ELAPOR1: variants seen among roughly 807,000 people sequenced by gnomAD.
ELAPOR1 encodes the protein endosome-lysosome associated apoptosis and autophagy regulator 1.
In ELAPOR1, 77 loss-of-function variants were observed where a neutral mutation model predicts 119.7. The ratio of observed to expected loss-of-function variants is 0.64; its 90% CI spans 0.54 to 0.78. The LOEUF (loss-of-function observed/expected upper bound fraction) is 0.78. Among genes scored for constraint, ELAPOR1 ranks in the 30% least tolerant of loss-of-function variants. The pLI is 0.00. For synonymous variants in ELAPOR1, 481 were observed against 487.2 expected (o/e 0.99, Z 0.17); for missense variants, 1,115 against 1,270.4 (o/e 0.88, Z 1.86).
chr1:109,153,010 T>C (rs1290894602), intron 1 of ELAPOR1, among the ~76,000 whole-genome samples: 6 of 148,758 alleles, frequency 4.0e-5, no homozygotes, highest in African/African-American at 1.5e-4. Flanking sequence ...AATGACAGTC[T>C]CATGTGGGGA....
At chr1:109,178,962 C>CCA (rs1652524101) in intron 7 of ELAPOR1, among the ~76,000 whole-genome samples, 3 of 134,218 alleles carry the variant, frequency 2.2e-5, no homozygotes, top group Non-Finnish European at 4.9e-5. Flanking sequence ...AATACTGTCT[C>CCA]AAAAAAAAAA....
At chr1:109,133,194 C>CT (rs1330098469) in intron 1 of ELAPOR1, among the ~76,000 whole-genome samples, 6 of 152,216 alleles carry the variant, frequency 3.9e-5, no homozygotes, top group African/African-American at 1.4e-4. Context: ...TGCACCACTG[C>CT]ACTCCAGCCT....
Position 109,204,312 on chromosome 1 carries a change from A to G in ELAPOR1, c.*1300A>G, listed in dbSNP as rs1469600278. 1 of 152,246 alleles carries G rather than the reference A, an allele frequency of 6.6e-6. No homozygotes were observed. Among genetic ancestry groups the G allele is most frequent in the Admixed American group, 6.5e-5 (1 of 15,290 alleles). The allele number at this position is 152,246 out of a possible 1,614,324, so 9.4% of individuals were successfully genotyped here. On this transcript the variant is annotated 3_prime_UTR_variant, in exon 22 of 22. Transcript: ENST00000369939. ...CTGAAGCCAAAGGAATAAGTTCATCAAGAAAATGCCCAAAGCCCTGGTGGA... is the reference window on the plus strand; with the variant it reads ...CTGAAGCCAAAGGAATAAGTTCATCGAGAAAATGCCCAAAGCCCTGGTGGA...
At chr1:109,174,310 G>A (rs542868178) in intron 7 of ELAPOR1, among the ~76,000 whole-genome samples, 1 of 145,096 alleles carries the variant, frequency 6.9e-6, no homozygotes, top group Non-Finnish European at 1.5e-5. Flanking sequence ...CACTTTGGGA[G>A]GTCAAACCGG....
chr1:109,172,707 A>G lies in ELAPOR1; in HGVS notation c.696+139A>G. On this transcript the variant is annotated intron_variant, in intron 5 of 21. Transcript: ENST00000369939. Reference sequence around the variant, plus strand: ...GAATGTGATATGATGAAGATGCTGTAGTTACTGTCCTCTAGCATTGACAGA... The same window carrying G: ...GAATGTGATATGATGAAGATGCTGTGGTTACTGTCCTCTAGCATTGACAGA... 6.1e-6 allele frequency: 4 copies of G among 660,054 alleles called. No individual in the cohort carries two copies. The Admixed American group carries it at 1.0e-4, about 17-fold the overall frequency. 40.9% of individuals were successfully genotyped at this position (660,054 alleles called of 1,614,324 possible).
intron 3 of ELAPOR1, among the ~76,000 whole-genome samples, chr1:109,165,077 G>A (rs887271581): frequency 6.6e-6 from 1 of 152,148 alleles, no homozygotes; most frequent in Non-Finnish European, 1.5e-5. Context: ...GATTGCCTGA[G>A]GCCAAGAGTT....
chr1:109,117,722 G>A (rs1648107169), intron 1 of ELAPOR1, among the ~76,000 whole-genome samples: 2 of 152,180 alleles, frequency 1.3e-5, no homozygotes, highest in South Asian at 4.1e-4. Flanking sequence ...ATAAACGTTG[G>A]TAGGAAGAAC....
Position 109,175,216 on chromosome 1 carries a change from C to T in ELAPOR1, c.952+1379C>T, listed in dbSNP as rs192339871. On this transcript the variant is annotated intron_variant, in intron 7 of 21. Transcript: ENST00000369939. ...TTTTTATTTTTATTTTTTTTTGAGA[C>T]GGAGTTTCACTCTTGTTGCCCAAGC... is the stretch of plus-strand genomic sequence containing the variant. Among the ~76,000 whole-genome samples, 15 of 150,836 alleles carry T rather than the reference C, an allele frequency of 9.9e-5. No individual in the cohort carries two copies. The East Asian group carries it at 1.0e-3, about 10-fold the overall frequency.
At chr1:109,192,912 C>A in intron 14 of ELAPOR1, 38 bp downstream of exon 14, 1 of 1,599,430 alleles carries the variant, frequency 6.3e-7, no homozygotes, top group Non-Finnish European at 8.5e-7. Context: ...ACCTGACCCT[C>A]TGCTTGGATG....
intron 1 of ELAPOR1, among the ~76,000 whole-genome samples, chr1:109,141,187 G>C (rs1163200325): frequency 1.3e-5 from 2 of 152,030 alleles, no homozygotes; most frequent in Non-Finnish European, 2.9e-5. Context: ...ATCAAGTAAA[G>C]TATACAATAA....
At chr1:109,151,238 G>A (rs576465681) in intron 1 of ELAPOR1, among the ~76,000 whole-genome samples, 1 of 152,140 alleles carries the variant, frequency 6.6e-6, no homozygotes, top group Non-Finnish European at 1.5e-5. Flanking sequence ...TGATCTCCAG[G>A]CAGTTTTGAT....
chr1:109,200,354 A>C, intron 20 of ELAPOR1, 117 bp downstream of exon 20: 1 of 1,223,312 alleles, frequency 8.2e-7, no homozygotes, highest in Non-Finnish European at 1.2e-6. Flanking sequence ...AGACTCTGTG[A>C]CTTATCCAGT....
intron 1 of ELAPOR1, among the ~76,000 whole-genome samples, chr1:109,139,126 G>A (rs1323556328): frequency 6.6e-6 from 1 of 151,950 alleles, no homozygotes; most frequent in Admixed American, 6.6e-5. Context: ...TGAGACAGGT[G>A]GATCACTTGA....
rs781678291 is a variant in ELAPOR1, at chr1:109,188,205, C to T, written c.1070C>T (p.Pro357Leu). ...ETQLMYKWAK[P>L]KICSEDLEGA... The stretch of plus-strand genomic sequence containing the variant: ...CAACTCATGTACAAATGGGCCAAGC[C>T]GAAAATCTGTAGCGAGGACCTTGAG... The change falls in exon 9 of 22, where the codon CCG (proline) becomes CTG (leucine). Residue 357 changes from proline to leucine, a missense_variant. Transcript: ENST00000369939. 1.6e-5 allele frequency: 25 copies of T among 1,611,858 alleles called. No individual in the cohort carries two copies. Among genetic ancestry groups the T allele is most frequent in the African/African-American group, 5.3e-5 (4 of 74,896 alleles).
chr1:109,131,318 A>G (rs939377578), intron 1 of ELAPOR1, among the ~76,000 whole-genome samples: 1 of 152,272 alleles, frequency 6.6e-6, no homozygotes, highest in East Asian at 1.9e-4. Flanking sequence ...GAGGTCACAC[A>G]CTGTCACTTT....
intron 1 of ELAPOR1, among the ~76,000 whole-genome samples, chr1:109,128,811 A>C (rs562298755): frequency 2.0e-5 from 3 of 152,300 alleles, no homozygotes; most frequent in African/African-American, 7.2e-5. Context: ...GCCCAAGTGG[A>C]TCTAAACAGG....
At chr1:109,120,568 A>G (rs1403543517) in intron 1 of ELAPOR1, among the ~76,000 whole-genome samples, 3 of 152,154 alleles carry the variant, frequency 2.0e-5, no homozygotes, top group Non-Finnish European at 4.4e-5. Context: ...AGCTGTGAGC[A>G]ATCAATATCC....
At chr1:109,145,871 T>G (rs1425535419) in intron 1 of ELAPOR1, among the ~76,000 whole-genome samples, 1 of 151,912 alleles carries the variant, frequency 6.6e-6, no homozygotes, top group Non-Finnish European at 1.5e-5. Flanking sequence ...AAAGACAGAA[T>G]AGAATGAGAA....
rs186988417 is a variant in ELAPOR1 at position 109,166,176 on chromosome 1, A to G, written c.467+1485A>G. Among the ~76,000 whole-genome samples the G allele has an allele frequency of 6.6e-5, 10 of 151,874 alleles. No individual in the cohort carries two copies. In the East Asian group the frequency reaches 1.4e-3, roughly 21 times the overall value. ...GTGATCCACCTGCCTCGGCCTCCCA[A>G]AGTGCTGGGATTACAGCGTGAGCCA... On this transcript the variant is annotated intron_variant, in intron 3 of 21. Coordinates refer to ENST00000369939, the MANE Select transcript of ELAPOR1 (RefSeq NM_020775.5).
Sources: gnomAD v4.1 joint callset for allele counts (sites outside exome capture counted in the v4.1 genomes callset) on GRCh38, gnomAD v4.1.1 for gene constraint, MANE v1.5 for transcripts, NCBI Gene and HGNC (gene_info 2026-07-23, HGNC 2026-07-21) for gene names.